Variants in SLC24A2 observed in about 807,000 individuals in gnomAD.
SLC24A2 encodes solute carrier family 24 member 2.
SLC24A2 carries 36 observed loss-of-function variants against 62.0 expected under a neutral mutation model. The observed-to-expected ratio is 0.58, with a 90% CI of 0.44 to 0.77. The LOEUF is 0.77. SLC24A2 is among the 30% of genes least tolerant of loss of function. The probability of loss-of-function intolerance (pLI) is 0.00; values close to 1 mark genes in which losing one functional copy is unlikely to be tolerated. For synonymous variants in SLC24A2, 358 were observed against 294.0 expected (o/e 1.22, Z -2.23); for missense variants, 846 against 817.9 (o/e 1.03, Z -0.42).
intron 2 of SLC24A2, among the ~76,000 whole-genome samples, chr9:19,714,395 C>G (rs1186822400): frequency 6.6e-6 from 1 of 152,192 alleles, no homozygotes; most frequent in African/African-American, 2.4e-5. Context: ...AAACCAAGAG[C>G]AGCCCTTCCC....
At chr9:19,615,744 A>G (rs1254767448) in intron 4 of SLC24A2, among the ~76,000 whole-genome samples, 2 of 152,180 alleles carry the variant, frequency 1.3e-5, no homozygotes, top group Non-Finnish European at 2.9e-5. Context: ...ACATCTTGCT[A>G]CAGCAGGAAT....
chr9:20,213,732 G>A, the SLC24A2 span, among the ~76,000 whole-genome samples: 2 of 152,154 alleles, frequency 1.3e-5, no homozygotes, highest in Non-Finnish European at 2.9e-5. Context: ...ATTTGCTCAG[G>A]AACTTAAAAA....
chr9:20,293,255 G>C, the SLC24A2 span, among the ~76,000 whole-genome samples: 1 of 152,096 alleles, frequency 6.6e-6, no homozygotes, highest in East Asian at 1.9e-4. Context: ...CTTTTTAAGG[G>C]GACACAACTC....
At position 19,550,285 on chromosome 9, in the gene SLC24A2, G is replaced by T. The variant is rs770759819; in HGVS notation, c.1348-17C>A. On this transcript the variant is annotated splice_polypyrimidine_tract_variant and intron_variant, in intron 7 of 10. Coordinates refer to ENST00000341998, the MANE Select transcript of SLC24A2 (RefSeq NM_020344.4). Reference sequence around the variant, plus strand: ...ATCAGCGGTCTGTGGTAGAAAAAGAGGTAAAATTAAACAAACAAAAAAATA... The same window carrying T: ...ATCAGCGGTCTGTGGTAGAAAAAGATGTAAAATTAAACAAACAAAAAAATA... 6.2e-6 allele frequency: 10 copies of T among 1,613,408 alleles called. No homozygotes were observed. The highest frequency in any genetic ancestry group is 8.5e-6 in the Non-Finnish European group (10 of 1,179,636).
Position 19,511,184 on chromosome 9 carries a change from A to T in SLC24A2, c.*4969T>A, listed in dbSNP as rs1832702264. 1 of 152,186 alleles carries T rather than the reference A, an allele frequency of 6.6e-6. No individual in the cohort carries two copies. Among genetic ancestry groups the T allele is most frequent in the Non-Finnish European group, 1.5e-5 (1 of 68,052 alleles). The allele number at this position is 152,186 out of a possible 1,614,324, so 9.4% of individuals were successfully genotyped here. ...AAAGGAATATTGCCATGGTGTAATC[A>T]TAAGTAATAGAGTTGAGCTGGCTGT... On this transcript the variant is annotated 3_prime_UTR_variant, in exon 11 of 11. Transcript: ENST00000341998.
At chr9:20,228,784 G>A in the SLC24A2 span, among the ~76,000 whole-genome samples, 9 of 152,134 alleles carry the variant, frequency 5.9e-5, no homozygotes, top group African/African-American at 1.9e-4. Context: ...TGTGGAAAAG[G>A]AAGGAGAGAG....
chr9:19,712,976 A>G (rs1820756593), intron 2 of SLC24A2, among the ~76,000 whole-genome samples: 1 of 152,150 alleles, frequency 6.6e-6, no homozygotes, highest in Non-Finnish European at 1.5e-5. Flanking sequence ...TGCCCTAGAT[A>G]TCTGCATGAT....
At chr9:20,148,533 T>C in the SLC24A2 span, among the ~76,000 whole-genome samples, 1 of 152,112 alleles carries the variant, frequency 6.6e-6, no homozygotes, top group African/African-American at 2.4e-5. Flanking sequence ...CTTTGGCAGC[T>C]GTGTAGCTGG....
At chr9:19,983,203 T>C in the SLC24A2 span, among the ~76,000 whole-genome samples, 1 of 152,326 alleles carries the variant, frequency 6.6e-6, no homozygotes, top group South Asian at 2.1e-4. Context: ...CAAACTGGAA[T>C]GAAAGACATA....
intron 2 of SLC24A2, among the ~76,000 whole-genome samples, chr9:19,739,953 T>C (rs916192301): frequency 3.3e-5 from 5 of 152,190 alleles, no homozygotes; most frequent in Non-Finnish European, 5.9e-5. Flanking sequence ...AAAGAACTCC[T>C]ACAAATCAAT....
At chr9:19,829,810 T>TATACAC in the SLC24A2 span, among the ~76,000 whole-genome samples, 1 of 34,142 alleles carries the variant, frequency 2.9e-5, no homozygotes, top group East Asian at 7.1e-4. Context: ...TATATATATA[T>TATACAC]ACACACACAC....
chr9:20,235,858 C>T, the SLC24A2 span, among the ~76,000 whole-genome samples: 73 of 152,142 alleles, frequency 4.8e-4, no homozygotes, highest in Non-Finnish European at 8.5e-4. Flanking sequence ...TGTTCCCATT[C>T]GGCCTTCTTG....
chr9:20,102,228 G>C, the SLC24A2 span, among the ~76,000 whole-genome samples: 1 of 152,110 alleles, frequency 6.6e-6, no homozygotes, highest in Admixed American at 6.5e-5. Flanking sequence ...TCCTAAGAGA[G>C]AGACTAGATT....
At chr9:20,194,083 T>A in the SLC24A2 span, among the ~76,000 whole-genome samples, 5 of 151,942 alleles carry the variant, frequency 3.3e-5, no homozygotes, top group African/African-American at 1.2e-4. Context: ...TGAGCTGGGT[T>A]TTTTTTTGGG....
chr9:19,896,654 G>A, the SLC24A2 span, among the ~76,000 whole-genome samples: 1 of 152,134 alleles, frequency 6.6e-6, no homozygotes, highest in African/African-American at 2.4e-5. Flanking sequence ...GTACTACATG[G>A]TAGAGTCAGG....
At chr9:20,092,787 A>T in the SLC24A2 span, among the ~76,000 whole-genome samples, 2 of 152,192 alleles carry the variant, frequency 1.3e-5, no homozygotes, top group African/African-American at 4.8e-5. Flanking sequence ...TCTAGTAAAC[A>T]ATGCAGTGTT....
At chr9:19,551,322 T>C (rs1177551233) in intron 7 of SLC24A2, among the ~76,000 whole-genome samples, 1 of 152,210 alleles carries the variant, frequency 6.6e-6, no homozygotes, top group Non-Finnish European at 1.5e-5. Flanking sequence ...TCAGAGTCTC[T>C]GACTTGGCAG....
chr9:20,299,589 T>C, the SLC24A2 span, among the ~76,000 whole-genome samples: 15 of 152,222 alleles, frequency 9.9e-5, no homozygotes, highest in Admixed American at 4.6e-4. Context: ...AGGTTCCTTA[T>C]GAATCCATTG....
At chr9:19,534,057 G>A (rs1165172778) in intron 8 of SLC24A2, among the ~76,000 whole-genome samples, 1 of 152,196 alleles carries the variant, frequency 6.6e-6, no homozygotes, top group African/African-American at 2.4e-5. Flanking sequence ...AGAATGTCAT[G>A]GCTGGCAGGG....
Sources: allele counts gnomAD v4.1 joint callset (sites outside exome capture counted in the v4.1 genomes callset), GRCh38; gene constraint gnomAD v4.1.1; transcripts MANE v1.5; gene names NCBI Gene and HGNC (gene_info 2026-07-23, HGNC 2026-07-21).